Variants in CDH7 observed in about 807,000 individuals in gnomAD.
CDH7 encodes the protein cadherin 7, also known as cadherin-7.
Under a neutral mutation model 71.8 loss-of-function variants are expected in CDH7, and 25 were observed. The observed-to-expected ratio is 0.35, with a 90% CI of 0.25 to 0.49. The LOEUF (loss-of-function observed/expected upper bound fraction) is 0.49, where lower values mean the gene tolerates loss of function less well. CDH7 is among the 20% of genes least tolerant of loss of function. The pLI is 0.99. For missense variants in CDH7, 862 were observed against 974.6 expected (o/e 0.88, Z 1.54); for synonymous variants, 381 against 363.8 (o/e 1.05, Z -0.54).
intron 2 of CDH7, among the ~76,000 whole-genome samples, chr18:65,768,380 A>G (rs1192803022): frequency 6.6e-6 from 1 of 152,080 alleles, no homozygotes; most frequent in East Asian, 1.9e-4. Context: ...GACTACAGGC[A>G]TGTACCACCA....
In CDH7 at chr18:65,876,812, A is replaced by G. The variant is rs1349857417; in HGVS notation, c.1865-3589A>G. The stretch of plus-strand genomic sequence containing the variant: ...CTGCTTCTATGTGCAACATTACACT[A>G]CAATACCTAATGCATATAATAAATT... On this transcript the variant is annotated intron_variant, in intron 11 of 11. Transcript: ENST00000397968. Among the ~76,000 whole-genome samples the G allele has an allele frequency of 1.4e-4, 22 of 152,208 alleles. 1 individual carries two copies. The highest frequency in any genetic ancestry group is 1.2e-3 in the Admixed American group (18 of 15,274).
In CDH7 at chr18:65,883,544, A is replaced by G. The variant is rs904690351; in HGVS notation, c.*2650A>G. 1.8e-4 allele frequency: 27 copies of G among 152,156 alleles called. No homozygotes were observed. Among genetic ancestry groups the G allele is most frequent in the Admixed American group, 6.6e-4 (10 of 15,264 alleles). The allele number at this position is 152,156 out of a possible 1,614,324, so 9.4% of individuals were successfully genotyped here. ...TATCAAGTTGCTTAAATTCAGTATT[A>G]TACTGAAACCAACTAGAATGAGCTC... On this transcript the variant is annotated 3_prime_UTR_variant, in exon 12 of 12. Transcript: ENST00000397968.
At chr18:65,837,738 GAAATAAGA>G (rs1912581754) in intron 6 of CDH7, among the ~76,000 whole-genome samples, 2 of 151,858 alleles carry the variant, frequency 1.3e-5, no homozygotes, top group Non-Finnish European at 2.9e-5. Flanking sequence ...ATAACCCAGG[GAAATAAGA>G]AAATAGAAAC....
intron 11 of CDH7, chr18:65,863,950 T>G (rs1913670904): frequency 1.3e-5 from 2 of 152,304 alleles, no homozygotes; most frequent in Middle Eastern, 3.4e-3. Flanking sequence ...AATATACCGT[T>G]CCATATGGTG....
intron 2 of CDH7, among the ~76,000 whole-genome samples, chr18:65,794,567 G>A (rs1481250985): frequency 2.6e-5 from 4 of 151,682 alleles, no homozygotes; most frequent in Admixed American, 6.6e-5. Flanking sequence ...GTTGGGGGTC[G>A]GGAGCAAGGG....
At chr18:65,859,548 CT>C (rs1220892805) in intron 9 of CDH7, among the ~76,000 whole-genome samples, 159 bp from the exon 10 acceptor site, 1 of 152,092 alleles carries the variant, frequency 6.6e-6, no homozygotes, top group African/African-American at 2.4e-5. Flanking sequence ...TTTCAGAGCC[CT>C]TTTTTAGATT....
chr18:65,825,652 G>A (rs114846536), intron 6 of CDH7, among the ~76,000 whole-genome samples: 3,071 of 151,790 alleles, frequency 0.02, 41 homozygotes, highest in Admixed American at 0.027. Flanking sequence ...TGAAAATCCA[G>A]TGTATAACTT....
In CDH7 at chr18:65,762,754, G is replaced by T; in HGVS notation, c.-89G>T. On this transcript the variant is annotated 5_prime_UTR_variant, in exon 2 of 12. Transcript: ENST00000397968. ...TGGACTCCCAGCTGACACCCTGCCG[G>T]AGGCAAGAGCTACTAAGCCAACTGG... 9.6e-7 allele frequency: 1 copy of T among 1,043,472 alleles called. No homozygotes were observed. The allele number at this position is 1,043,472 out of a possible 1,614,324, so 64.6% of individuals were successfully genotyped here.
chr18:65,789,301 G>C (rs1303428497), intron 2 of CDH7, among the ~76,000 whole-genome samples: 1 of 152,146 alleles, frequency 6.6e-6, no homozygotes, highest in East Asian at 1.9e-4. Context: ...GAAAAAGATA[G>C]TGTTGTTCAA....
Position 65,887,938 on chromosome 18 carries a change from C to T in CDH7, c.*7044C>T, listed in dbSNP as rs1340458945. The T allele has an allele frequency of 6.6e-6, 1 of 152,062 alleles. No individual in the cohort carries two copies. Among genetic ancestry groups the T allele is most frequent in the South Asian group, 2.1e-4 (1 of 4,824 alleles). 9.4% of individuals were successfully genotyped at this position (152,062 alleles called of 1,614,324 possible). On this transcript the variant is annotated 3_prime_UTR_variant, in exon 12 of 12. Transcript: ENST00000397968. ...TATAATTACATTAAAAAGAAAACCA[C>T]TTTTATAATATTTTTGCTTATGTAA... is the stretch of plus-strand genomic sequence containing the variant.
intron 3 of CDH7, among the ~76,000 whole-genome samples, chr18:65,812,044 C>T: frequency 7.6e-6 from 1 of 132,106 alleles, no homozygotes; most frequent in Non-Finnish European, 1.5e-5. Context: ...TCTTGGCCTA[C>T]TGCAACCTCC....
intron 2 of CDH7, among the ~76,000 whole-genome samples, chr18:65,780,250 A>G (rs1318758140): frequency 2.5e-5 from 3 of 119,192 alleles, no homozygotes; most frequent in East Asian, 4.7e-4. Flanking sequence ...CCCATTCTGT[A>G]GGTTGCCTGT....
rs368790629 is a variant in CDH7 at position 65,778,661 on chromosome 18, A to C, written c.210+15609A>C. ...TAATGAAAGTTTGCATATAGAGTTTATTTTCTTTTTTTTTGTTTGTTTTTC... is the reference window on the plus strand; with the variant it reads ...TAATGAAAGTTTGCATATAGAGTTTCTTTTCTTTTTTTTTGTTTGTTTTTC... On this transcript the variant is annotated intron_variant, in intron 2 of 11. Coordinates refer to ENST00000397968, the MANE Select transcript of CDH7 (RefSeq NM_004361.5). Among the ~76,000 whole-genome samples the C allele has an allele frequency of 9.7e-5, 12 of 123,134 alleles. No homozygotes were observed. The South Asian group carries it at 2.5e-3, about 26-fold the overall frequency. 80.8% of individuals were successfully genotyped at this position (123,134 alleles called of 152,430 possible).
Position 65,856,978 on chromosome 18 carries a change from T to A in CDH7, c.1236-838T>A, listed in dbSNP as rs1913380312. ...ATCTCAGGGGTTCCACTTTGAAACATGTCTTTAGAATCCTGGTCAAGACCA... is the reference window on the plus strand; with the variant it reads ...ATCTCAGGGGTTCCACTTTGAAACAAGTCTTTAGAATCCTGGTCAAGACCA... On this transcript the variant is annotated intron_variant, in intron 7 of 11. Coordinates refer to ENST00000397968, the MANE Select transcript of CDH7 (RefSeq NM_004361.5). 2.0e-5 allele frequency among the ~76,000 whole-genome samples: 3 copies of A among 150,338 alleles called. No individual in the cohort carries two copies. The South Asian group carries it at 6.3e-4, about 32-fold the overall frequency.
At chr18:65,772,095 A>C (rs1227058079) in intron 2 of CDH7, among the ~76,000 whole-genome samples, 1 of 152,208 alleles carries the variant, frequency 6.6e-6, no homozygotes, top group African/African-American at 2.4e-5. Context: ...GACATGTTTT[A>C]AGGTATTTAA....
intron 2 of CDH7, among the ~76,000 whole-genome samples, chr18:65,781,313 A>G (rs765070641): frequency 1.3e-5 from 2 of 152,130 alleles, no homozygotes; most frequent in African/African-American, 4.8e-5. Flanking sequence ...TTTTATGTCA[A>G]CCACATTTGG....
chr18:65,764,562 G>T (rs1018324105), intron 2 of CDH7, among the ~76,000 whole-genome samples: 8 of 152,090 alleles, frequency 5.3e-5, no homozygotes, highest in East Asian at 1.9e-4. Context: ...ATTAGGATTT[G>T]ATTAGGAAAC....
intron 1 of CDH7, among the ~76,000 whole-genome samples, chr18:65,760,751 C>T (rs1005424992): frequency 1.6e-4 from 25 of 152,158 alleles, no homozygotes; most frequent in Non-Finnish European, 3.4e-4. Context: ...ATGACTTTGC[C>T]CCTTCCCATA....
At chr18:65,763,600 T>G (rs1294564569) in intron 2 of CDH7, among the ~76,000 whole-genome samples, 1 of 72,480 alleles carries the variant, frequency 1.4e-5, no homozygotes, top group Non-Finnish European at 3.0e-5. Context: ...GGGGGGTGTG[T>G]GTGTGTGTGT....
Sources: allele counts gnomAD v4.1 joint callset (sites outside exome capture counted in the v4.1 genomes callset), GRCh38; gene constraint gnomAD v4.1.1; transcripts MANE v1.5; gene names NCBI Gene and HGNC (gene_info 2026-07-23, HGNC 2026-07-21).